The following PHKA1 variants were observed in gnomAD, a reference collection of about 807,000 sequenced individuals.
The protein encoded by PHKA1 is phosphorylase kinase regulatory subunit alpha 1.
Under a neutral mutation model 110.2 loss-of-function variants are expected in PHKA1, and 60 were observed. That is an observed-to-expected ratio of 0.54 (90% confidence interval 0.44 to 0.68). The LOEUF (loss-of-function observed/expected upper bound fraction) is 0.68, where lower values mean the gene tolerates loss of function less well. Among genes scored for constraint, PHKA1 ranks in the 30% least tolerant of loss-of-function variants. The pLI, the probability that PHKA1 is intolerant of heterozygous loss-of-function variation, is 0.00. For missense variants in PHKA1, 801 were observed against 942.5 expected, an observed-to-expected ratio of 0.85 and a Z score of 1.97; for synonymous variants, 316 against 333.6, an observed-to-expected ratio of 0.95 and a Z score of 0.58.
rs782198579 is a variant in PHKA1 at position 72,644,541 on chromosome X, AAT to A, written c.1325-47_1325-46del. On this transcript the variant is annotated intron_variant, in intron 13 of 31. Coordinates refer to ENST00000373542, the MANE Select transcript of PHKA1 (RefSeq NM_002637.4). ...TGAGGTCAACAGAAAATTTTATTTC[AAT>A]AGCAACTTAACAATCTCTCAAGTTA... The A allele has an allele frequency of 5.5e-6, 6 of 1,099,488 alleles. No homozygotes were observed. The African/African-American group carries it at 9.1e-5, about 17-fold the overall frequency. 90.6% of individuals were successfully genotyped at this position (1,099,488 alleles called of 1,213,427 possible).
chrX:72,633,045 A>T (rs1221016828), intron 16 of PHKA1, among the ~76,000 whole-genome samples: 1 of 111,286 alleles, frequency 9.0e-6, no homozygotes, highest in African/African-American at 3.3e-5. Context: ...TCTCATCCCA[A>T]CTCTCAGGTA....
At chrX:72,589,861 G>A (rs925683696) in intron 29 of PHKA1, among the ~76,000 whole-genome samples, 1 of 109,766 alleles carries the variant, frequency 9.1e-6, no homozygotes, top group African/African-American at 3.3e-5. Context: ...AGAATCCAAC[G>A]TACAAGGGAT....
At chrX:72,694,466 T>C (rs1556325719) in intron 4 of PHKA1, among the ~76,000 whole-genome samples, 1 of 112,182 alleles carries the variant, frequency 8.9e-6, no homozygotes, top group African/African-American at 3.2e-5. Context: ...TCACAGTTTG[T>C]CATTTTTCCA....
intron 4 of PHKA1, among the ~76,000 whole-genome samples, chrX:72,687,545 T>C (rs2053981663): frequency 9.0e-6 from 1 of 111,157 alleles, no homozygotes; most frequent in African/African-American, 3.3e-5. Flanking sequence ...CCTTCCCATA[T>C]CTTGAAATCT....
chrX:72,709,704 A>C (rs2054338605), intron 2 of PHKA1, among the ~76,000 whole-genome samples: 1 of 110,825 alleles, frequency 9.0e-6, no homozygotes, highest in South Asian at 3.9e-4. Context: ...CCAGAGATTC[A>C]TATTTAAATT....
chrX:72,620,537 A>G lies in PHKA1; in HGVS notation c.2137+188T>C, dbSNP rs141609577. On this transcript the variant is annotated intron_variant, in intron 19 of 31. Coordinates refer to ENST00000373542, the MANE Select transcript of PHKA1 (RefSeq NM_002637.4). ...GACTACATAGCACTACCTGCAGCAT[A>G]ACTATACACAATTCACTCATTTTAC... Among the ~76,000 whole-genome samples the G allele has an allele frequency of 2.8e-3, 315 of 112,179 alleles. 2 individuals carry two copies. Among genetic ancestry groups the G allele is most frequent in the Non-Finnish European group, 3.6e-3 (194 of 53,213 alleles).
At chrX:72,595,302 G>C (rs1279623461) in intron 28 of PHKA1, among the ~76,000 whole-genome samples, 1 of 111,235 alleles carries the variant, frequency 9.0e-6, no homozygotes, top group Non-Finnish European at 1.9e-5. Context: ...TCTAATAAAA[G>C]TTTAGATTTT....
At chrX:72,684,818 C>G (rs1177863042) in intron 4 of PHKA1, among the ~76,000 whole-genome samples, 1 of 111,245 alleles carries the variant, frequency 9.0e-6, no homozygotes, top group Non-Finnish European at 1.9e-5. Flanking sequence ...CTGTTATTTA[C>G]AGATTTTACC....
At chrX:72,619,357 G>A in intron 19 of PHKA1, 52 bp from the exon 20 acceptor site, 1 of 718,127 alleles carries the variant, frequency 1.4e-6, no homozygotes, top group Non-Finnish European at 2.2e-6. Flanking sequence ...GAGACTAATA[G>A]AAATGCACAG....
intron 30 of PHKA1, 88 bp from the exon 31 acceptor site, chrX:72,582,686 G>A: frequency 1.7e-6 from 1 of 602,726 alleles, no homozygotes; most frequent in Admixed American, 2.6e-5. Context: ...TAAAAACACT[G>A]TAGCCATGAG....
At chrX:72,607,332 C>T (rs1421905226) in intron 23 of PHKA1, among the ~76,000 whole-genome samples, 3 of 111,741 alleles carry the variant, frequency 2.7e-5, no homozygotes, top group African/African-American at 9.7e-5. Context: ...TAATTACATT[C>T]CTACCAACAA....
intron 23 of PHKA1, among the ~76,000 whole-genome samples, chrX:72,605,997 A>T (rs1022252448): frequency 8.9e-6 from 1 of 112,475 alleles, no homozygotes; most frequent in Non-Finnish European, 1.9e-5. Context: ...TGTAATACAC[A>T]ATGTTTCTAC....
chrX:72,682,943 A>C (rs782273746), intron 5 of PHKA1, among the ~76,000 whole-genome samples: 1 of 104,730 alleles, frequency 9.5e-6, no homozygotes, highest in East Asian at 3.0e-4. Flanking sequence ...TTAAAAAAAA[A>C]AAAAAAAAAA....
rs2053547391 is a variant in PHKA1 at position 72,660,536 on chromosome X, C to T, written c.865-2895G>A. ...AGATGAGTATAGAATTGGACCATAA[C>T]AGCCCAATGTTCCTGTTGGTATAGA... On this transcript the variant is annotated intron_variant, in intron 8 of 31. Transcript: ENST00000373542. 1.8e-5 allele frequency: 7 copies of T among 392,324 alleles called. No homozygotes were observed. In the East Asian group the frequency reaches 4.5e-4, roughly 25 times the overall value. 32.3% of individuals were successfully genotyped at this position (392,324 alleles called of 1,213,427 possible).
At chrX:72,710,004 C>G (rs191679851) in intron 2 of PHKA1, among the ~76,000 whole-genome samples, 1 of 99,200 alleles carries the variant, frequency 1.0e-5, no homozygotes, top group Non-Finnish European at 2.0e-5. Context: ...ATCGCACCGC[C>G]GCACTCCAAC....
intron 13 of PHKA1, among the ~76,000 whole-genome samples, chrX:72,644,861 A>G (rs951168366): frequency 4.5e-5 from 5 of 111,750 alleles, no homozygotes; most frequent in African/African-American, 1.6e-4. Flanking sequence ...TTGTATCAGT[A>G]AACCTAAGGT....
rs1230831935 is a variant in PHKA1, at chrX:72,644,357, C to G, written c.1459+5G>C. 8.3e-7 allele frequency: 1 copy of G among 1,207,178 alleles called. No homozygotes were observed. ...TGATTCTAGCAGGCTAGCCAATCTC[C>G]TTACCTAGGCTGGAATAAATGTGGC... On this transcript the variant is annotated splice_donor_5th_base_variant and intron_variant, in intron 14 of 31. Transcript: ENST00000373542.
chrX:72,699,278 CA>C (rs781823946), intron 3 of PHKA1, among the ~76,000 whole-genome samples: 26 of 109,141 alleles, frequency 2.4e-4, no homozygotes, highest in African/African-American at 8.3e-4. Context: ...GAGGCCGAGG[CA>C]GGTGGAGGGG....
chrX:72,653,585 CCCAGGAGAAGGTTGCAG>C (rs1250472422), intron 10 of PHKA1, 55 bp from the exon 11 acceptor site: 2 of 821,475 alleles, frequency 2.4e-6, no homozygotes, highest in East Asian at 6.5e-5. Flanking sequence ...CCTTTGGGGA[CCCAGGAGAAGGTTGCAG>C]CCAAAGAAGG....
Sources: gnomAD v4.1 joint callset for allele counts (sites outside exome capture counted in the v4.1 genomes callset) on GRCh38, gnomAD v4.1.1 for gene constraint, MANE v1.5 for transcripts, NCBI Gene and HGNC (gene_info 2026-07-23, HGNC 2026-07-21) for gene names.